The following TRIM72 variants were observed in gnomAD, a reference collection of about 807,000 sequenced individuals.
The protein encoded by TRIM72 is tripartite motif-containing protein 72.
In TRIM72, 33 loss-of-function variants were observed where a neutral mutation model predicts 31.6. That is an observed-to-expected ratio of 1.04 (90% CI 0.79 to 1.40). TRIM72 has a LOEUF of 1.40. TRIM72 is among the 40% of genes most tolerant of loss of function. TRIM72 has a pLI of 0.00. For synonymous variants in TRIM72, 301 were observed against 314.4 expected (o/e 0.96, Z 0.45); for missense variants, 666 against 682.7 (o/e 0.98, Z 0.27).
At chr16:31,221,269 T>A (rs1044843562) in intron 5 of TRIM72, among the ~76,000 whole-genome samples, 19 of 151,996 alleles carry the variant, frequency 1.3e-4, no homozygotes, top group Admixed American at 8.5e-4. Flanking sequence ...AAGAAGGGCA[T>A]TGTGAGGAGA....
chr16:31,215,266 G>C lies in TRIM72; in HGVS notation c.390+138G>C. The C allele has an allele frequency of 1.1e-5, 13 of 1,223,396 alleles. No homozygotes were observed. The highest frequency in any genetic ancestry group is 1.4e-5 in the Non-Finnish European group (13 of 943,658). 75.8% of individuals were successfully genotyped at this position (1,223,396 alleles called of 1,614,324 possible). On this transcript the variant is annotated intron_variant, in intron 2 of 6. Coordinates refer to ENST00000322122, the MANE Select transcript of TRIM72 (RefSeq NM_001008274.4). The surrounding 1 kb of genome is among the most constrained non-coding windows in gnomAD (Gnocchi z 6.3). ...TGGAGTTGCGGGGGGCGGGGGCGGG[G>C]CGAAGCAGCCAGGAAAGAGGGTCTG...
Position 31,214,879 on chromosome 16 carries a change from G to T in TRIM72, c.141G>T (p.Ala47=). The T allele has an allele frequency of 1.3e-6, 2 of 1,528,628 alleles. No homozygotes were observed. The highest frequency in any genetic ancestry group is 2.0e-5 in the Admixed American group (1 of 51,136). The allele number at this position is 1,528,628 out of a possible 1,614,324, so 94.7% of individuals were successfully genotyped here. ...GCCGCGTGGCCGGGGAGCCGGCGGC[G>T]GATGGCACCGTTCTCTGCCCCTGCT... ...CLGRVAGEPA[A]DGTVLCPCCQ... Residue 47 remains alanine (A), a synonymous_variant, in exon 2 of 7, where the codon GCG becomes GCT. Coordinates refer to ENST00000322122, the MANE Select transcript of TRIM72 (RefSeq NM_001008274.4).
chr16:31,223,841 G>A (rs1309145091), intron 6 of TRIM72, among the ~76,000 whole-genome samples: 3 of 152,098 alleles, frequency 2.0e-5, no homozygotes, highest in Admixed American at 1.3e-4. Context: ...CTGGGAGTTG[G>A]AAGTTGCAGT....
chr16:31,214,772 C>G lies in TRIM72; in HGVS notation c.34C>G (p.Leu12Val). Residue 12 changes from leucine (L) to valine (V), a missense_variant, in exon 2 of 7, where the codon CTG becomes GTG. Physicochemically the swap from Leu to Val is conservative, Grantham distance 32 (BLOSUM62 1). Transcript: ENST00000322122. ...SAAPGLLHQELSCPLCLQLFD... is the reference protein window; with the variant it reads ...SAAPGLLHQEVSCPLCLQLFD... ...TGCGCCCGGCCTCCTGCACCAGGAG[C>G]TGTCCTGCCCGCTGTGCCTGCAGCT... 6.3e-7 allele frequency: 1 copy of G among 1,579,460 alleles called. No individual in the cohort carries two copies. Among genetic ancestry groups the G allele is most frequent in the South Asian group, 1.1e-5 (1 of 89,098 alleles).
At position 31,219,620 on chromosome 16, in the gene TRIM72, C is replaced by T. The variant is rs1032138084; in HGVS notation, c.717+101C>T. ...GGCCCAGAGAGGGGCAGGGATAAGC[C>T]AGCAGCACACAGCCGGGAGGGGCAG... On this transcript the variant is annotated intron_variant, in intron 4 of 6. Coordinates refer to ENST00000322122, the MANE Select transcript of TRIM72 (RefSeq NM_001008274.4). The surrounding 1 kb of genome is among the most constrained non-coding windows in gnomAD (Gnocchi z 4.2). The T allele has an allele frequency of 3.6e-5, 39 of 1,090,390 alleles. No homozygotes were observed. Among genetic ancestry groups the T allele is most frequent in the Non-Finnish European group, 4.3e-5 (32 of 749,366 alleles). 67.5% of individuals were successfully genotyped at this position (1,090,390 alleles called of 1,614,324 possible). A position where few individuals can be genotyped will look rare whatever the true frequency, so the allele number is the denominator to read the frequency against.
rs935871444 is a variant in TRIM72 at position 31,215,571 on chromosome 16, G to T, written c.390+443G>T. ...TTTGGACTGGAGGCGCGGCGTTCGGGACCGAGCCAGGCGGCCGGGGCAGGG... is the reference window on the plus strand; with the variant it reads ...TTTGGACTGGAGGCGCGGCGTTCGGTACCGAGCCAGGCGGCCGGGGCAGGG... On this transcript the variant is annotated intron_variant, in intron 2 of 6. Coordinates refer to ENST00000322122, the MANE Select transcript of TRIM72 (RefSeq NM_001008274.4). The surrounding 1 kb of genome is among the most constrained non-coding windows in gnomAD (Gnocchi z 6.3). Among the ~76,000 whole-genome samples, 1 of 152,024 alleles carries T rather than the reference G, an allele frequency of 6.6e-6. No homozygotes were observed. The highest frequency in any genetic ancestry group is 1.5e-5 in the Non-Finnish European group (1 of 68,008).
Position 31,224,802 on chromosome 16 carries a change from T to C in TRIM72, c.*47T>C, listed in dbSNP as rs376087760. 2.6e-5 allele frequency: 36 copies of C among 1,408,272 alleles called. No homozygotes were observed. The East Asian group carries it at 4.9e-4, about 19-fold the overall frequency. The allele number at this position is 1,408,272 out of a possible 1,614,324, so 87.2% of individuals were successfully genotyped here. On this transcript the variant is annotated 3_prime_UTR_variant, in exon 7 of 7. Coordinates refer to ENST00000322122, the MANE Select transcript of TRIM72 (RefSeq NM_001008274.4). ...GGGCGCGGGGGCCTGGGTTGAAGCTTAGGTCTCCTTGGTCGGGTCTGACGG... is the reference window on the plus strand; with the variant it reads ...GGGCGCGGGGGCCTGGGTTGAAGCTCAGGTCTCCTTGGTCGGGTCTGACGG...
In TRIM72 at chr16:31,214,968, G is replaced by A. The variant is rs1208912989; in HGVS notation, c.230G>A (p.Gly77Glu). 4 of 1,489,342 alleles carry A rather than the reference G, an allele frequency of 2.7e-6. No individual in the cohort carries two copies. The highest frequency in any genetic ancestry group is 4.5e-5 in the Admixed American group (2 of 44,726). 92.3% of individuals were successfully genotyped at this position (1,489,342 alleles called of 1,614,324 possible). The change falls in exon 2 of 7, where the codon GGG becomes GAG. Residue 77 changes from glycine (G) to glutamate (E), a missense_variant. Physicochemically the swap from Gly to Glu is moderately conservative, Grantham distance 98. Coordinates refer to ENST00000322122, the MANE Select transcript of TRIM72 (RefSeq NM_001008274.4). ...CTGCAGCTGGCGCGCCTGGTGGAGG[G>A]GCTGGCCCAGGTGCCGCAGGGCCAC... is the stretch of plus-strand genomic sequence containing the variant. ...TNLQLARLVE[G>E]LAQVPQGHCE...
chr16:31,224,827 G>A lies in TRIM72; in HGVS notation c.*72G>A, dbSNP rs1442500295. On this transcript the variant is annotated 3_prime_UTR_variant, in exon 7 of 7. Transcript: ENST00000322122. ...TAGGTCTCCTTGGTCGGGTCTGACG[G>A]GAGAAGGGTGGGGAGCGGGTTGCCA... 28 of 1,375,750 alleles carry A rather than the reference G, an allele frequency of 2.0e-5. No homozygotes were observed. In the East Asian group the frequency reaches 7.5e-4, roughly 37 times the overall value. The allele number at this position is 1,375,750 out of a possible 1,614,324, so 85.2% of individuals were successfully genotyped here.
In TRIM72 at chr16:31,227,636, AT is replaced by A. The variant is rs1043603333; in HGVS notation, c.*2892del. 23 of 138,116 alleles carry A rather than the reference AT, an allele frequency of 1.7e-4. No individual in the cohort carries two copies. The highest frequency in any genetic ancestry group is 4.4e-3 in the Middle Eastern group (1 of 226). 8.6% of individuals were successfully genotyped at this position (138,116 alleles called of 1,614,324 possible). ...TTCATCTGTTTTTAGTTAAAAAACAATTTTTTTTTTTGAGACAAGGTCTTGC... is the reference window on the plus strand; with the variant it reads ...TTCATCTGTTTTTAGTTAAAAAACAATTTTTTTTTTGAGACAAGGTCTTGC... On this transcript the variant is annotated 3_prime_UTR_variant, in exon 7 of 7. Transcript: ENST00000322122.
At chr16:31,218,879 A>T (rs1021714536) in intron 2 of TRIM72, among the ~76,000 whole-genome samples, 1 of 152,042 alleles carries the variant, frequency 6.6e-6, no homozygotes, top group Admixed American at 6.6e-5. Context: ...AATAAATAAA[A>T]AACCGCACCA....
rs201482571 is a variant in TRIM72, at chr16:31,216,819, C to T, written c.390+1691C>T. On this transcript the variant is annotated intron_variant, in intron 2 of 6. Coordinates refer to ENST00000322122, the MANE Select transcript of TRIM72 (RefSeq NM_001008274.4). The surrounding 1 kb of genome is among the most constrained non-coding windows in gnomAD (Gnocchi z 6.7). ...ACATGCGCATGTCGCGCAGCACGGC[C>T]ACGACGAGCTCGGCTGCGTAGTCCT... The T allele has an allele frequency of 3.3e-5, 54 of 1,612,936 alleles. No individual in the cohort carries two copies. In the East Asian group the frequency reaches 1.2e-3, roughly 35 times the overall value.
chr16:31,220,919 G>T lies in TRIM72; in HGVS notation c.740+1G>T. The stretch of plus-strand genomic sequence containing the variant: ...AGAAATACTGCCTGGTGACCAGCAG[G>T]TGAGAGCAACCTGGCCCTGTCCCTT... On this transcript the variant is annotated splice_donor_variant, in intron 5 of 6. Transcript: ENST00000322122. LOFTEE classifies it high-confidence loss of function. The T allele has an allele frequency of 6.2e-7, 1 of 1,614,130 alleles. No homozygotes were observed. The highest frequency in any genetic ancestry group is 8.5e-7 in the Non-Finnish European group (1 of 1,180,028).
At position 31,224,511 on chromosome 16, in the gene TRIM72, C is replaced by T; in HGVS notation, c.1190C>T (p.Ala397Val). The change falls in exon 7 of 7, where the codon GCC becomes GTC. Residue 397 changes from alanine to valine, a missense_variant. Coordinates refer to ENST00000322122, the MANE Select transcript of TRIM72 (RefSeq NM_001008274.4). Reference protein sequence around the residue: ...EGKILEAHVEAKEPRALRSPE... With the variant: ...EGKILEAHVEVKEPRALRSPE... ...AAGATCCTGGAGGCACACGTGGAGG[C>T]CAAGGAGCCGCGCGCTCTGCGCAGC... 6.7e-7 allele frequency: 1 copy of T among 1,497,112 alleles called. No individual in the cohort carries two copies. Among genetic ancestry groups the T allele is most frequent in the Non-Finnish European group, 8.8e-7 (1 of 1,130,678 alleles). 92.7% of individuals were successfully genotyped at this position (1,497,112 alleles called of 1,614,324 possible).
intron 1 of TRIM72, 92 bp downstream of exon 1, chr16:31,214,389 A>C: frequency 1.9e-5 from 4 of 207,768 alleles, no homozygotes; most frequent in East Asian, 1.1e-4. Flanking sequence ...GCTCTGGAGA[A>C]TTTGGGTCCG....
rs758267007 is a variant in TRIM72, at chr16:31,216,978, C to T, written c.390+1850C>T. On this transcript the variant is annotated intron_variant, in intron 2 of 6. Transcript: ENST00000322122. This position sits in a 1 kb window ranked among gnomAD's most constrained non-coding sequence, Gnocchi z 6.7. ...TCATCTTGAACTTCTTGAGCTCCTC[C>T]GGTGTCAGGTTCTCCAGCACCTTCA... 1.2e-6 allele frequency: 2 copies of T among 1,614,020 alleles called. No homozygotes were observed. The highest frequency in any genetic ancestry group is 2.7e-5 in the African/African-American group (2 of 74,946).
chr16:31,216,911 G>C lies in TRIM72; in HGVS notation c.390+1783G>C, dbSNP rs780733594. On this transcript the variant is annotated intron_variant, in intron 2 of 6. Transcript: ENST00000322122. This position sits in a 1 kb window ranked among gnomAD's most constrained non-coding sequence, Gnocchi z 6.7. ...TCTAGCTGCCCGAGCGCGCCCCGCG[G>C]GATGCGCTCAAAGCCCTCGCGCAGC... The C allele has an allele frequency of 1.3e-5, 21 of 1,613,998 alleles. No homozygotes were observed. The highest frequency in any genetic ancestry group is 8.3e-5 in the Admixed American group (5 of 60,032).
At chr16:31,218,307 G>A (rs1247591213) in intron 2 of TRIM72, among the ~76,000 whole-genome samples, 3 of 152,156 alleles carry the variant, frequency 2.0e-5, no homozygotes, top group African/African-American at 7.2e-5. Context: ...CATGCTGGGA[G>A]GCTGAGGTGG....
Position 31,219,231 on chromosome 16 carries a change from G to A in TRIM72, c.486+41G>A. The A allele has an allele frequency of 6.2e-7, 1 of 1,613,948 alleles. No homozygotes were observed. The highest frequency in any genetic ancestry group is 8.5e-7 in the Non-Finnish European group (1 of 1,179,818). ...GGCCATGTCTGAGGGCTGGGGGCCA[G>A]GCTAGGGGTCTCCAGCCAAGAGTCT... On this transcript the variant is annotated intron_variant, in intron 3 of 6. Coordinates refer to ENST00000322122, the MANE Select transcript of TRIM72 (RefSeq NM_001008274.4). This position sits in a 1 kb window ranked among gnomAD's most constrained non-coding sequence, Gnocchi z 4.2.
Sources: gnomAD v4.1 joint callset for allele counts (sites outside exome capture counted in the v4.1 genomes callset) on GRCh38, gnomAD v4.1.1 for gene constraint, Gnocchi (gnomAD v3.1) non-coding constraint, MANE v1.5 for transcripts, NCBI Gene and HGNC (gene_info 2026-07-23, HGNC 2026-07-21) for gene names.